Variants in SUCLG2 observed in about 807,000 individuals in gnomAD.
SUCLG2 encodes succinate--CoA ligase [GDP-forming] subunit beta, mitochondrial.
A neutral mutation model predicts 47.9 loss-of-function variants in SUCLG2; 42 were observed. That is an observed-to-expected ratio of 0.88 (90% CI 0.69 to 1.14). The LOEUF (loss-of-function observed/expected upper bound fraction) is 1.14. Ranked by LOEUF, SUCLG2 falls within the 50% of genes most tolerant of loss-of-function variation. The probability of loss-of-function intolerance (pLI) is 0.00; values close to 1 mark genes in which losing one functional copy is unlikely to be tolerated. For missense variants in SUCLG2, 571 were observed against 525.9 expected, an observed-to-expected ratio of 1.09 and a Z score of -0.84; for synonymous variants, 195 against 197.3, an observed-to-expected ratio of 0.99 and a Z score of 0.10.
At chr3:67,503,799 G>C (rs537073576) in intron 7 of SUCLG2, among the ~76,000 whole-genome samples, 1 of 152,328 alleles carries the variant, frequency 6.6e-6, no homozygotes, top group African/African-American at 2.4e-5. Flanking sequence ...ATCAAAGAAA[G>C]CTGTGGTACT....
intron 10 of SUCLG2, chr3:67,360,873 T>C (rs150681876): frequency 2.1e-6 from 2 of 941,968 alleles, no homozygotes; most frequent in South Asian, 2.8e-5. Context: ...TATTCCTTAA[T>C]GGAAACATCG....
chr3:67,389,821 A>G (rs569206817), intron 10 of SUCLG2, among the ~76,000 whole-genome samples: 1 of 152,276 alleles, frequency 6.6e-6, no homozygotes, highest in African/African-American at 2.4e-5. Flanking sequence ...TTGACCTGAC[A>G]TTACACTATA....
At chr3:67,626,029 T>TC (rs1420426472) in intron 1 of SUCLG2, among the ~76,000 whole-genome samples, 2 of 151,652 alleles carry the variant, frequency 1.3e-5, no homozygotes, top group East Asian at 1.9e-4. Flanking sequence ...TTTACATTTT[T>TC]TTTTTTTTTG....
At chr3:67,535,858 A>G in intron 2 of SUCLG2, among the ~76,000 whole-genome samples, 1 of 152,292 alleles carries the variant, frequency 6.6e-6, no homozygotes, top group Non-Finnish European at 1.5e-5. Context: ...CTTTTAGTCA[A>G]CTCAAACCCA....
chr3:67,545,352 A>G (rs1706836598), intron 2 of SUCLG2, among the ~76,000 whole-genome samples: 1 of 152,194 alleles, frequency 6.6e-6, no homozygotes, highest in East Asian at 1.9e-4. Context: ...GCCAGGAATG[A>G]CCTACCCCAA....
intron 4 of SUCLG2, among the ~76,000 whole-genome samples, chr3:67,525,012 T>A (rs897448468): frequency 4.6e-5 from 7 of 152,180 alleles, no homozygotes; most frequent in African/African-American, 1.7e-4. Flanking sequence ...ACACTGAAAT[T>A]AAGAATCCAA....
chr3:67,477,454 G>T (rs955271982), intron 9 of SUCLG2, among the ~76,000 whole-genome samples: 17 of 152,326 alleles, frequency 1.1e-4, no homozygotes, highest in African/African-American at 4.1e-4. Flanking sequence ...CAGCACTTTG[G>T]GAGGCCGAGG....
intron 9 of SUCLG2, among the ~76,000 whole-genome samples, chr3:67,480,002 A>G (rs1376550518): frequency 1.3e-5 from 2 of 152,238 alleles, no homozygotes; most frequent in Non-Finnish European, 2.9e-5. Flanking sequence ...AGATTTTGAA[A>G]CAGAAATAGA....
intron 2 of SUCLG2, among the ~76,000 whole-genome samples, chr3:67,553,035 G>A (rs1707059511): frequency 6.6e-6 from 1 of 152,118 alleles, no homozygotes. Context: ...AAAAACACCA[G>A]AATTCAACAG....
intron 1 of SUCLG2, among the ~76,000 whole-genome samples, chr3:67,643,440 CTTG>C (rs543385848): frequency 5.4e-4 from 82 of 152,240 alleles, no homozygotes; most frequent in African/African-American, 1.8e-3. Context: ...ACTTAAAACT[CTTG>C]TTTACATCAA....
intron 1 of SUCLG2, among the ~76,000 whole-genome samples, chr3:67,621,888 A>G (rs1700742329): frequency 6.6e-6 from 1 of 152,226 alleles, no homozygotes; most frequent in Non-Finnish European, 1.5e-5. Flanking sequence ...GAACTAAGAC[A>G]TGGCCTATGT....
chr3:67,396,013 T>G (rs1167573898), intron 10 of SUCLG2, among the ~76,000 whole-genome samples: 3 of 151,720 alleles, frequency 2.0e-5, no homozygotes, highest in East Asian at 1.9e-4. Flanking sequence ...CTGGGACACA[T>G]TCAAAGCAGT....
intron 7 of SUCLG2, among the ~76,000 whole-genome samples, chr3:67,502,734 C>A (rs7651329): frequency 0.038 from 5,792 of 152,240 alleles, 275 homozygotes; most frequent in African/African-American, 0.11. Context: ...CTGTTTAGAG[C>A]AAATCTAAGC....
At chr3:67,594,469 C>T (rs1023274818) in intron 2 of SUCLG2, among the ~76,000 whole-genome samples, 1 of 152,118 alleles carries the variant, frequency 6.6e-6, no homozygotes, top group Non-Finnish European at 1.5e-5. Flanking sequence ...CACTTTCATC[C>T]CAGTTCTCAT....
chr3:67,390,694 C>A (rs1488470328), intron 10 of SUCLG2, among the ~76,000 whole-genome samples: 1 of 150,510 alleles, frequency 6.6e-6, no homozygotes, highest in Non-Finnish European at 1.5e-5. Context: ...AACCTTGGCA[C>A]AAAAATTGCC....
chr3:67,364,574 C>G (rs1211276651), intron 10 of SUCLG2, among the ~76,000 whole-genome samples: 1 of 152,178 alleles, frequency 6.6e-6, no homozygotes, highest in Non-Finnish European at 1.5e-5. Context: ...AGTGCCCACC[C>G]ACCCAGGAGT....
At chr3:67,390,664 T>C (rs74963481) in intron 10 of SUCLG2, among the ~76,000 whole-genome samples, 3 of 151,846 alleles carry the variant, frequency 2.0e-5, no homozygotes, top group Non-Finnish European at 4.4e-5. Context: ...TTTTTTTTTT[T>C]CCTTTTTGAA....
chr3:67,582,558 A>G (rs1707908785), intron 2 of SUCLG2, among the ~76,000 whole-genome samples: 1 of 152,188 alleles, frequency 6.6e-6, no homozygotes, highest in Non-Finnish European at 1.5e-5. Flanking sequence ...TGCTATAGTG[A>G]ATAGCGCTAC....
At chr3:67,428,029 C>T (rs1441984518) in intron 9 of SUCLG2, among the ~76,000 whole-genome samples, 1 of 152,232 alleles carries the variant, frequency 6.6e-6, no homozygotes, top group Non-Finnish European at 1.5e-5. Flanking sequence ...TAGACTCCAC[C>T]TCTGGGGGCC....
Sources: gnomAD v4.1 joint callset for allele counts (sites outside exome capture counted in the v4.1 genomes callset) on GRCh38, gnomAD v4.1.1 for gene constraint, MANE v1.5 for transcripts, NCBI Gene and HGNC (gene_info 2026-07-23, HGNC 2026-07-21) for gene names.